PDGFD: variants seen among roughly 807,000 people sequenced by gnomAD.
PDGFD encodes the protein platelet derived growth factor D.
In PDGFD, 30 loss-of-function variants were observed where a neutral mutation model predicts 44.7. The ratio of observed to expected loss-of-function variants is 0.67; its 90% CI spans 0.50 to 0.91. The LOEUF (loss-of-function observed/expected upper bound fraction) is 0.91. Ranked by LOEUF, PDGFD falls within the 40% of genes least tolerant of loss-of-function variation. The pLI, the probability that PDGFD is intolerant of heterozygous loss-of-function variation, is 0.00. For synonymous variants in PDGFD, 173 were observed against 168.4 expected, an observed-to-expected ratio of 1.03 and a Z score of -0.21; for missense variants, 445 against 457.8, an observed-to-expected ratio of 0.97 and a Z score of 0.25.
At chr11:104,100,838 C>T (rs567414196) in intron 1 of PDGFD, among the ~76,000 whole-genome samples, 1 of 152,218 alleles carries the variant, frequency 6.6e-6, no homozygotes, top group South Asian at 2.1e-4. Context: ...TAAACACAAC[C>T]AACGACAAAA....
At chr11:104,001,342 C>G (rs905269563) in intron 1 of PDGFD, among the ~76,000 whole-genome samples, 2 of 152,144 alleles carry the variant, frequency 1.3e-5, no homozygotes, top group Non-Finnish European at 2.9e-5. Context: ...CAGACCTTAC[C>G]CTATGTGCTT....
At chr11:103,916,377 A>G (rs1219950810) in intron 6 of PDGFD, among the ~76,000 whole-genome samples, 2 of 152,220 alleles carry the variant, frequency 1.3e-5, no homozygotes, top group African/African-American at 4.8e-5. Flanking sequence ...GCAAAACAAA[A>G]CCACAGTGAC....
chr11:103,980,235 G>C (rs185425380), intron 3 of PDGFD, among the ~76,000 whole-genome samples: 129 of 152,092 alleles, frequency 8.5e-4, no homozygotes, highest in Middle Eastern at 6.8e-3. Flanking sequence ...ATCATACGGA[G>C]TGCTTCTGGC....
At chr11:104,049,528 T>C (rs577013994) in intron 1 of PDGFD, among the ~76,000 whole-genome samples, 1 of 152,290 alleles carries the variant, frequency 6.6e-6, no homozygotes, top group South Asian at 2.1e-4. Flanking sequence ...ACATTTGATT[T>C]TTTTTTAAGC....
rs1565316848 is a variant in PDGFD at position 104,036,892 on chromosome 11, GACTTTGAGC to G, written c.125-36646_125-36638del. The G allele has an allele frequency of 2.5e-6, 4 of 1,614,004 alleles. No individual in the cohort carries two copies. The Admixed American group carries it at 5.0e-5, about 20-fold the overall frequency. On this transcript the variant is annotated intron_variant, in intron 1 of 6. Coordinates refer to ENST00000393158, the MANE Select transcript of PDGFD (RefSeq NM_025208.5). ...CACCTTCTCTCTCCAGGTCAGCCCC[GACTTTGAGC>G]TCCGAAACTTCAAGGTCCTCTGCGA...
chr11:104,129,835 C>T (rs1591179279), intron 1 of PDGFD, among the ~76,000 whole-genome samples: 1 of 151,658 alleles, frequency 6.6e-6, no homozygotes, highest in South Asian at 2.1e-4. Context: ...ATGGTGAAAC[C>T]GTGCTTCTAT....
intron 1 of PDGFD, among the ~76,000 whole-genome samples, chr11:104,156,246 G>T (rs1159852879): frequency 6.6e-6 from 1 of 152,132 alleles, no homozygotes; most frequent in South Asian, 2.1e-4. Flanking sequence ...CCAGCTACTT[G>T]TGGAAGGGTG....
At chr11:104,081,230 A>T (rs1861041278) in intron 1 of PDGFD, among the ~76,000 whole-genome samples, 1 of 152,150 alleles carries the variant, frequency 6.6e-6, no homozygotes, top group African/African-American at 2.4e-5. Flanking sequence ...TATGAAGGGG[A>T]TACTGATACA....
At chr11:104,002,697 G>C (rs1194108049) in intron 1 of PDGFD, among the ~76,000 whole-genome samples, 2 of 152,122 alleles carry the variant, frequency 1.3e-5, no homozygotes, top group Non-Finnish European at 2.9e-5. Context: ...TTGTATTATA[G>C]TATTTTCAAG....
chr11:104,052,332 C>A (rs1292383350), intron 1 of PDGFD, among the ~76,000 whole-genome samples: 1 of 150,746 alleles, frequency 6.6e-6, no homozygotes, highest in African/African-American at 2.4e-5. Flanking sequence ...CTCAACTATC[C>A]TGATTAATAA....
rs1052873909 is a variant in PDGFD at position 104,077,417 on chromosome 11, C to T, written c.125-77162G>A. 2.6e-5 allele frequency among the ~76,000 whole-genome samples: 4 copies of T among 152,240 alleles called. 1 individual carries two copies. The East Asian group carries it at 7.7e-4, about 29-fold the overall frequency. The stretch of plus-strand genomic sequence containing the variant: ...GTTAAGGAAATAAGAGTTAGAAGGA[C>T]ATTGGCTTGGGCAACTGGTGGTGTC... On this transcript the variant is annotated intron_variant, in intron 1 of 6. Coordinates refer to ENST00000393158, the MANE Select transcript of PDGFD (RefSeq NM_025208.5).
At chr11:104,161,950 A>AGAGAGAGTGTGTGT (rs142168784) in intron 1 of PDGFD, among the ~76,000 whole-genome samples, 62 of 149,014 alleles carry the variant, frequency 4.2e-4, no homozygotes, top group Middle Eastern at 3.4e-3. Flanking sequence ...AATCAAAGAG[A>AGAGAGAGTGTGTGT]GTGTGTGTGT....
chr11:104,043,788 T>C (rs76553562), intron 1 of PDGFD, among the ~76,000 whole-genome samples: 4,211 of 152,120 alleles, frequency 0.028, 75 homozygotes, highest in African/African-American at 0.037. Context: ...AGATTCTTTT[T>C]AACAAGCAGA....
chr11:104,111,754 AAGTAG>A lies in PDGFD; in HGVS notation c.124+52045_124+52049del, dbSNP rs547475071. On this transcript the variant is annotated intron_variant, in intron 1 of 6. Coordinates refer to ENST00000393158, the MANE Select transcript of PDGFD (RefSeq NM_025208.5). Reference sequence around the variant, plus strand: ...GATAAATTATCCATTTTAGGAGTCTAAGTAGAGTAAATAAATGACTTCTTGAAATG... The same window carrying A: ...GATAAATTATCCATTTTAGGAGTCTAAGTAAATAAATGACTTCTTGAAATG... Among the ~76,000 whole-genome samples, 127 of 152,288 alleles carry A rather than the reference AAGTAG, an allele frequency of 8.3e-4. 1 individual carries two copies. The highest frequency in any genetic ancestry group is 3.0e-3 in the African/African-American group (126 of 41,578).
At chr11:104,017,807 A>G (rs1412871791) in intron 1 of PDGFD, among the ~76,000 whole-genome samples, 1 of 152,180 alleles carries the variant, frequency 6.6e-6, no homozygotes, top group Admixed American at 6.6e-5. Flanking sequence ...CACATTAGAG[A>G]CTTGGAGAAA....
intron 5 of PDGFD, among the ~76,000 whole-genome samples, chr11:103,935,022 A>T (rs1001191320): frequency 6.6e-6 from 1 of 152,210 alleles, no homozygotes; most frequent in African/African-American, 2.4e-5. Context: ...CACAGAAAAA[A>T]ATTAGCACAG....
chr11:103,999,620 G>A (rs758697584), intron 2 of PDGFD, among the ~76,000 whole-genome samples: 5 of 152,142 alleles, frequency 3.3e-5, no homozygotes, highest in African/African-American at 9.7e-5. Context: ...CAGTGCTGGC[G>A]TAATTCATTA....
At chr11:103,988,536 G>A (rs1379595497) in intron 3 of PDGFD, among the ~76,000 whole-genome samples, 2 of 152,172 alleles carry the variant, frequency 1.3e-5, no homozygotes, top group African/African-American at 2.4e-5. Flanking sequence ...CTCAAAGTCA[G>A]ATAACACACA....
intron 1 of PDGFD, among the ~76,000 whole-genome samples, chr11:104,151,415 T>A (rs1469250130): frequency 6.6e-6 from 1 of 152,182 alleles, no homozygotes; most frequent in Non-Finnish European, 1.5e-5. Flanking sequence ...TTTATTGATA[T>A]AATACAGAAT....
Sources: allele counts gnomAD v4.1 joint callset (sites outside exome capture counted in the v4.1 genomes callset), GRCh38; gene constraint gnomAD v4.1.1; transcripts MANE v1.5; gene names NCBI Gene and HGNC (gene_info 2026-07-23, HGNC 2026-07-21).